MYO18A: variants seen among roughly 807,000 people sequenced by gnomAD.
The protein encoded by MYO18A is myosin XVIIIA.
Under a neutral mutation model 235.8 loss-of-function variants are expected in MYO18A, and 78 were observed. The observed-to-expected ratio is 0.33, with a 90% CI of 0.28 to 0.40. The LOEUF is 0.40. Ranked by LOEUF, MYO18A falls within the 10% of genes least tolerant of loss-of-function variation. The probability of loss-of-function intolerance (pLI) is 1.00; values close to 1 mark genes in which losing one functional copy is unlikely to be tolerated. For missense variants in MYO18A, 2,215 were observed against 2,699.3 expected, an observed-to-expected ratio of 0.82 and a Z score of 3.98; for synonymous variants, 977 against 1,077.8, an observed-to-expected ratio of 0.91 and a Z score of 1.83.
At chr17:29,080,124 G>T in intron 41 of MYO18A, 1 of 985,992 alleles carries the variant, frequency 1.0e-6, no homozygotes, top group Non-Finnish European at 1.2e-6. Context: ...AGGCGGAGCG[G>T]CGGATGCTGG....
chr17:29,117,890 G>A lies in MYO18A; in HGVS notation c.2038+155C>T. On this transcript the variant is annotated intron_variant, in intron 10 of 41. Transcript: ENST00000527372. The surrounding 1 kb of genome is among the most constrained non-coding windows in gnomAD (Gnocchi z 4.6). ...GCCAAAGATGCTTCCCGGGCCTTCTGCTCTGAAGTGGGGGGCTGAGAAGAG... is the reference window on the plus strand; with the variant it reads ...GCCAAAGATGCTTCCCGGGCCTTCTACTCTGAAGTGGGGGGCTGAGAAGAG... 2 of 910,032 alleles carry A rather than the reference G, an allele frequency of 2.2e-6. No individual in the cohort carries two copies. The highest frequency in any genetic ancestry group is 3.2e-6 in the Non-Finnish European group (2 of 615,580). The allele number at this position is 910,032 out of a possible 1,614,324, so 56.4% of individuals were successfully genotyped here. A position where few individuals can be genotyped will look rare whatever the true frequency, so the allele number is the denominator to read the frequency against.
rs747455673 is a variant in MYO18A at position 29,140,359 on chromosome 17, G to A, written c.1000-18106C>T. 3.1e-6 allele frequency: 4 copies of A among 1,282,490 alleles called. No individual in the cohort carries two copies. Among genetic ancestry groups the A allele is most frequent in the East Asian group, 5.7e-5 (1 of 17,502 alleles). 79.4% of individuals were successfully genotyped at this position (1,282,490 alleles called of 1,614,324 possible). A position where few individuals can be genotyped will look rare whatever the true frequency, so the allele number is the denominator to read the frequency against. ...ACTCACCCGCATGGCCTGGCCTGGA[G>A]CAGCCCAGAGCAAGGAGACTCCGCT... On this transcript the variant is annotated intron_variant, in intron 2 of 41. Transcript: ENST00000527372. This position sits in a 1 kb window ranked among gnomAD's most constrained non-coding sequence, Gnocchi z 4.2.
intron 2 of MYO18A, among the ~76,000 whole-genome samples, chr17:29,134,442 G>A (rs927162848): frequency 6.6e-6 from 1 of 152,150 alleles, no homozygotes; most frequent in African/African-American, 2.4e-5. Context: ...TAGAATTAGG[G>A]GCTAGTCTAG....
chr17:29,149,338 A>G (rs115417068), intron 2 of MYO18A, among the ~76,000 whole-genome samples: 6 of 152,384 alleles, frequency 3.9e-5, no homozygotes, highest in African/African-American at 1.2e-4. Context: ...CATGAATGCA[A>G]GGTCAAAAGA....
intron 2 of MYO18A, among the ~76,000 whole-genome samples, chr17:29,134,781 C>T (rs1394787444): frequency 6.6e-6 from 1 of 152,166 alleles, no homozygotes; most frequent in Non-Finnish European, 1.5e-5. Flanking sequence ...CCTCAGCTTC[C>T]CAAAGCGCTG....
At chr17:29,085,466 G>A (rs1026536743) in intron 40 of MYO18A, 138 bp downstream of exon 40, 18 of 749,738 alleles carry the variant, frequency 2.4e-5, no homozygotes, top group African/African-American at 1.7e-4. Flanking sequence ...GCATGTTAGC[G>A]TTAGAGACCA....
At chr17:29,172,839 AGT>A (rs2068435641) in intron 1 of MYO18A, among the ~76,000 whole-genome samples, 1 of 152,224 alleles carries the variant, frequency 6.6e-6, no homozygotes, top group Admixed American at 6.5e-5. Flanking sequence ...CCACGTAGCT[AGT>A]GCCAAGGATA....
chr17:29,093,266 C>A (rs2066442886), intron 32 of MYO18A, 57 bp downstream of exon 32: 10 of 1,469,714 alleles, frequency 6.8e-6, no homozygotes, highest in East Asian at 4.7e-5. Context: ...GATCCCCACT[C>A]CTCAGGCCGC....
intron 2 of MYO18A, among the ~76,000 whole-genome samples, chr17:29,162,697 G>C (rs532873809): frequency 6.6e-6 from 1 of 152,238 alleles, no homozygotes; most frequent in Non-Finnish European, 1.5e-5. Flanking sequence ...TGGAGCCCAG[G>C]ACCTAGTATG....
In MYO18A at chr17:29,106,115, G is replaced by A. The variant is rs979776297; in HGVS notation, c.3441+965C>T. On this transcript the variant is annotated intron_variant, in intron 20 of 41. Coordinates refer to ENST00000527372, the MANE Select transcript of MYO18A (RefSeq NM_078471.4). The surrounding 1 kb of genome is among the most constrained non-coding windows in gnomAD (Gnocchi z 4.6). ...AGAGAGGAGTGGGACCAGCAGGCAC[G>A]AGGCTGTGGTCAGAGAAGGCCATGC... Among the ~76,000 whole-genome samples, 5 of 152,216 alleles carry A rather than the reference G, an allele frequency of 3.3e-5. No homozygotes were observed. The South Asian group carries it at 8.3e-4, about 25-fold the overall frequency.
At position 29,121,448 on chromosome 17, in the gene MYO18A, A is replaced by T; in HGVS notation, c.1371+99T>A. 1 of 1,306,604 alleles carries T rather than the reference A, an allele frequency of 7.7e-7. No homozygotes were observed. The highest frequency in any genetic ancestry group is 1.0e-6 in the Non-Finnish European group (1 of 961,182). 80.9% of individuals were successfully genotyped at this position (1,306,604 alleles called of 1,614,324 possible). On this transcript the variant is annotated intron_variant, in intron 5 of 41. Coordinates refer to ENST00000527372, the MANE Select transcript of MYO18A (RefSeq NM_078471.4). This position sits in a 1 kb window ranked among gnomAD's most constrained non-coding sequence, Gnocchi z 4.2. ...TCCTCTTCCCAAGGTCAACTGTGAG[A>T]GTGGACAGGAGCCCAGTGGGGTGCC... is the stretch of plus-strand genomic sequence containing the variant.
intron 41 of MYO18A, chr17:29,075,726 C>A (rs1009363000): frequency 6.3e-6 from 1 of 158,140 alleles, no homozygotes; most frequent in Non-Finnish European, 1.5e-5. Flanking sequence ...TTCACCTTCT[C>A]TTTTCTTTCT....
chr17:29,174,933 A>G lies in MYO18A; in HGVS notation c.-82+5380T>C, dbSNP rs186742096. ...ATACTATATTGTTAAGTGAAAAAAT[A>G]GGTTGCAGGATAGTTTATAATTTTG... On this transcript the variant is annotated intron_variant, in intron 1 of 41. Coordinates refer to ENST00000527372, the MANE Select transcript of MYO18A (RefSeq NM_078471.4). 2.6e-5 allele frequency among the ~76,000 whole-genome samples: 4 copies of G among 152,344 alleles called. No individual in the cohort carries two copies. In the East Asian group the frequency reaches 7.7e-4, roughly 29 times the overall value.
chr17:29,168,396 T>C (rs1194034661), intron 1 of MYO18A, among the ~76,000 whole-genome samples: 1 of 151,512 alleles, frequency 6.6e-6, no homozygotes, highest in East Asian at 1.9e-4. Flanking sequence ...GTTGAGAGAG[T>C]CTTTCTTGTT....
Position 29,175,660 on chromosome 17 carries a change from G to C in MYO18A, c.-82+4653C>G, listed in dbSNP as rs192877064. 5.7e-3 allele frequency among the ~76,000 whole-genome samples: 864 copies of C among 151,480 alleles called. 4 individuals are homozygous for C. The highest frequency in any genetic ancestry group is 8.4e-3 in the Non-Finnish European group (570 of 67,872). On this transcript the variant is annotated intron_variant, in intron 1 of 41. Coordinates refer to ENST00000527372, the MANE Select transcript of MYO18A (RefSeq NM_078471.4). ...ATTACAGGTGTGAACCACTGTGTCC[G>C]GCCTACTACAGAAATTTTTTAAATA... is the stretch of plus-strand genomic sequence containing the variant.
chr17:29,100,850 A>C (rs534467352), intron 21 of MYO18A, among the ~76,000 whole-genome samples: 8 of 152,322 alleles, frequency 5.3e-5, no homozygotes, highest in African/African-American at 1.4e-4. Flanking sequence ...TCTGCTGAGA[A>C]AGCTCTGCCT....
chr17:29,116,296 G>C, intron 11 of MYO18A, 148 bp downstream of exon 11: 1 of 859,086 alleles, frequency 1.2e-6, no homozygotes, highest in Non-Finnish European at 2.0e-6. Flanking sequence ...TCTGCCAGTG[G>C]AGACCACAAA....
intron 1 of MYO18A, among the ~76,000 whole-genome samples, chr17:29,176,903 C>G (rs2068545421): frequency 6.6e-6 from 1 of 152,150 alleles, no homozygotes; most frequent in African/African-American, 2.4e-5. Context: ...AGCCGCAGCC[C>G]CGCGGCGCCT....
In MYO18A at chr17:29,098,436, G is replaced by A. The variant is rs761232208; in HGVS notation, c.3790C>T (p.Gln1264Ter). The change falls in exon 24 of 42, where the codon CAG (glutamine) becomes TAG (stop). Residue 1264 changes from glutamine to a stop codon, truncating the protein, a stop_gained. Coordinates refer to ENST00000527372, the MANE Select transcript of MYO18A (RefSeq NM_078471.4). LOFTEE classifies it high-confidence loss of function. ...TTCTCGAGCTTGCTCCGCAGCTGCT[G>A]GATCTCCTCCTAGGGTGGACCAAAG... ...EQIRNKDEEIQQLRSKLEKAE... is the reference protein window; with the variant it reads ...EQIRNKDEEI 1 of 1,613,790 alleles carries A rather than the reference G, an allele frequency of 6.2e-7. No individual in the cohort carries two copies. Among genetic ancestry groups the A allele is most frequent in the Non-Finnish European group, 8.5e-7 (1 of 1,179,824 alleles).
Sources: allele counts gnomAD v4.1 joint callset (sites outside exome capture counted in the v4.1 genomes callset), GRCh38; gene constraint gnomAD v4.1.1; non-coding constraint Gnocchi (gnomAD v3.1); transcripts MANE v1.5; gene names NCBI Gene and HGNC (gene_info 2026-07-23, HGNC 2026-07-21).